ARHGAP6: variants seen among roughly 807,000 people sequenced by gnomAD.
The protein encoded by ARHGAP6 is Rho GTPase activating protein 6.
In ARHGAP6, 16 loss-of-function variants were observed where a neutral mutation model predicts 55.7. The observed-to-expected ratio is 0.29, with a 90% CI of 0.19 to 0.44. The LOEUF is 0.44. Ranked by LOEUF, ARHGAP6 falls within the 20% of genes least tolerant of loss-of-function variation. The probability of loss-of-function intolerance (pLI) is 1.00; values close to 1 mark genes in which losing one functional copy is unlikely to be tolerated. For missense variants in ARHGAP6, 698 were observed against 808.9 expected (o/e 0.86, Z 1.66); for synonymous variants, 382 against 360.9 (o/e 1.06, Z -0.66).
rs1418706245 is a variant in ARHGAP6 at position 11,427,817 on chromosome X, AG to A, written c.589-173111del. ...AGCGGCGCGAAGGGGGAGGGGGAAG[AG>A]GAGGAGGAGGAGGAGGAGGAGGAGG... On this transcript the variant is annotated intron_variant, in intron 1 of 12. Coordinates refer to ENST00000337414, the MANE Select transcript of ARHGAP6 (RefSeq NM_013427.3). 1.4e-3 allele frequency: 108 copies of A among 75,933 alleles called. No homozygotes were observed. The African/African-American group carries it at 0.08, about 56-fold the overall frequency. 6.3% of individuals were successfully genotyped at this position (75,933 alleles called of 1,213,427 possible).
At chrX:11,475,502 T>C (rs1052496623) in intron 1 of ARHGAP6, among the ~76,000 whole-genome samples, 1 of 108,987 alleles carries the variant, frequency 9.2e-6, no homozygotes, top group Non-Finnish European at 1.9e-5. Flanking sequence ...AATTTTCATC[T>C]TTGCCAAAGT....
intron 2 of ARHGAP6, among the ~76,000 whole-genome samples, chrX:11,212,564 C>A (rs913260229): frequency 1.6e-4 from 18 of 112,346 alleles, no homozygotes; most frequent in African/African-American, 5.8e-4. Flanking sequence ...ATCACTAGAG[C>A]CCCTGCAGAT....
intron 1 of ARHGAP6, among the ~76,000 whole-genome samples, chrX:11,590,946 C>A (rs2051822254): frequency 1.9e-5 from 2 of 104,039 alleles, no homozygotes; most frequent in African/African-American, 3.6e-5. Context: ...TAAGTTGAAT[C>A]ATTTGATTTA....
intron 1 of ARHGAP6, among the ~76,000 whole-genome samples, chrX:11,303,087 A>G (rs1022933429): frequency 5.3e-5 from 6 of 112,765 alleles, no homozygotes; most frequent in Admixed American, 1.9e-4. Context: ...CATGAGACTA[A>G]CAAGAGAAAA....
rs147197510 is a variant in ARHGAP6, at chrX:11,346,288, C to T, written c.589-91581G>A. 4.9e-3 allele frequency among the ~76,000 whole-genome samples: 543 copies of T among 111,668 alleles called. 3 individuals are homozygous for T. Among genetic ancestry groups the T allele is most frequent in the African/African-American group, 0.017 (524 of 30,660 alleles). On this transcript the variant is annotated intron_variant, in intron 1 of 12. Coordinates refer to ENST00000337414, the MANE Select transcript of ARHGAP6 (RefSeq NM_013427.3). ...TTAATTTAACACAGCCCAGTCCATT[C>T]GTTTGCATATTATCTATGGCTTCTT...
chrX:11,381,682 C>T (rs2049264782), intron 1 of ARHGAP6, among the ~76,000 whole-genome samples: 1 of 111,975 alleles, frequency 8.9e-6, no homozygotes, highest in Admixed American at 9.5e-5. Flanking sequence ...CACAGAGTCA[C>T]ACATATTTGT....
chrX:11,324,951 C>T (rs1389332349), intron 1 of ARHGAP6, among the ~76,000 whole-genome samples: 1 of 111,731 alleles, frequency 9.0e-6, no homozygotes, highest in Non-Finnish European at 1.9e-5. Context: ...CTCCGCTTCC[C>T]GGGTTCACGC....
intron 1 of ARHGAP6, among the ~76,000 whole-genome samples, chrX:11,441,175 A>T (rs1223466131): frequency 8.9e-6 from 1 of 111,883 alleles, no homozygotes; most frequent in Admixed American, 9.5e-5. Context: ...ATTCAGTATG[A>T]CCAAGAGGTA....
chrX:11,613,402 T>A (rs2052126288), intron 1 of ARHGAP6, among the ~76,000 whole-genome samples: 1 of 112,416 alleles, frequency 8.9e-6, no homozygotes, highest in African/African-American at 3.2e-5. Flanking sequence ...TCTGGAATGA[T>A]GCATATATAA....
chrX:11,202,799 CAAAAAAAAAAAAAAA>C (rs776633959), intron 2 of ARHGAP6, among the ~76,000 whole-genome samples: 43 of 9,446 alleles, frequency 4.6e-3, no homozygotes, highest in Non-Finnish European at 6.8e-3. Flanking sequence ...GACTCCGTCT[CAAAAAAAAAAAAAAA>C]AAAAAAAAAA....
In ARHGAP6 at chrX:11,444,163, G is replaced by A. The variant is rs149547500; in HGVS notation, c.589-189456C>T. On this transcript the variant is annotated intron_variant, in intron 1 of 12. Transcript: ENST00000337414. Reference sequence around the variant, plus strand: ...TTAGACTTCGGAGGTCATATATACAGTCTGTGTCACAACTATTCTGTTTGA... The same window carrying A: ...TTAGACTTCGGAGGTCATATATACAATCTGTGTCACAACTATTCTGTTTGA... Among the ~76,000 whole-genome samples, 50 of 111,975 alleles carry A rather than the reference G, an allele frequency of 4.5e-4. 2 individuals carry two copies. In the East Asian group the frequency reaches 0.013, roughly 30 times the overall value.
At chrX:11,465,639 G>C (rs999314989) in intron 1 of ARHGAP6, among the ~76,000 whole-genome samples, 1 of 112,147 alleles carries the variant, frequency 8.9e-6, no homozygotes, top group East Asian at 2.8e-4. Context: ...TAAAATATAT[G>C]ATTGCAAGAA....
At chrX:11,364,528 G>A (rs5935039) in intron 1 of ARHGAP6, among the ~76,000 whole-genome samples, 2 of 110,204 alleles carry the variant, frequency 1.8e-5, no homozygotes, top group Non-Finnish European at 3.8e-5. Context: ...TCAACCTTCC[G>A]CCACGTGACC....
intron 2 of ARHGAP6, among the ~76,000 whole-genome samples, chrX:11,205,087 A>AT (rs1450614708): frequency 2.3e-4 from 25 of 110,909 alleles, no homozygotes; most frequent in Non-Finnish European, 9.5e-5. Context: ...GCAGGCGAAT[A>AT]TTTTTTCTCT....
chrX:11,189,840 C>A (rs765637982), intron 3 of ARHGAP6, among the ~76,000 whole-genome samples: 91 of 112,172 alleles, frequency 8.1e-4, no homozygotes, highest in African/African-American at 2.8e-3. Flanking sequence ...TACCTTGGAT[C>A]CTTAGGGCCA....
chrX:11,402,723 C>T (rs762215201), intron 1 of ARHGAP6, among the ~76,000 whole-genome samples: 150 of 111,899 alleles, frequency 1.3e-3, no homozygotes, highest in Middle Eastern at 9.1e-3. Flanking sequence ...TTTTTGCCTG[C>T]CACTCCCCTA....
intron 1 of ARHGAP6, among the ~76,000 whole-genome samples, chrX:11,647,299 C>T (rs1439944713): frequency 8.9e-6 from 1 of 112,426 alleles, no homozygotes; most frequent in Admixed American, 9.4e-5. Context: ...AAGAATGCTG[C>T]TGATGTAAAT....
At chrX:11,151,687 C>A (rs1053652166) in intron 10 of ARHGAP6, among the ~76,000 whole-genome samples, 2 of 112,160 alleles carry the variant, frequency 1.8e-5, no homozygotes, top group African/African-American at 6.5e-5. Context: ...CCAAATATCA[C>A]TAAATGTTTG....
intron 1 of ARHGAP6, among the ~76,000 whole-genome samples, chrX:11,418,457 A>G (rs1007598696): frequency 8.9e-6 from 1 of 112,037 alleles, no homozygotes; most frequent in African/African-American, 3.2e-5. Flanking sequence ...CCAGAAAAAA[A>G]GCCAAACCAA....
Sources: gnomAD v4.1 joint callset for allele counts (sites outside exome capture counted in the v4.1 genomes callset) on GRCh38, gnomAD v4.1.1 for gene constraint, MANE v1.5 for transcripts, NCBI Gene and HGNC (gene_info 2026-07-23, HGNC 2026-07-21) for gene names.